Variants in PHF3 observed in about 807,000 individuals in gnomAD.
The protein encoded by PHF3 is PHD finger protein 3.
PHF3 carries 41 observed loss-of-function variants against 178.4 expected under a neutral mutation model. The ratio of observed to expected loss-of-function variants is 0.23; its 90% CI spans 0.18 to 0.30. The LOEUF (loss-of-function observed/expected upper bound fraction) is 0.30. Ranked by LOEUF, PHF3 falls within the 10% of genes least tolerant of loss-of-function variation. The pLI, the probability that PHF3 is intolerant of heterozygous loss-of-function variation, is 1.00. For missense variants in PHF3, 2,346 were observed against 2,398.1 expected (o/e 0.98, Z 0.45); for synonymous variants, 842 against 800.5 (o/e 1.05, Z -0.88).
intron 4 of PHF3, among the ~76,000 whole-genome samples, chr6:63,690,440 G>T (rs945285156): frequency 3.3e-5 from 5 of 152,096 alleles, no homozygotes; most frequent in Admixed American, 2.0e-4. Context: ...GAGGTATTTG[G>T]CAAGACTTTA....
At chr6:63,641,528 ATGTGTGTGTGTGTGTGTG>A (rs201250434) in intron 1 of PHF3, among the ~76,000 whole-genome samples, 8 of 140,570 alleles carry the variant, frequency 5.7e-5, no homozygotes, top group South Asian at 2.3e-4. Flanking sequence ...TTAGGTGTGT[ATGTGTGTGTGTGTGTGTG>A]TGTGTGTGTG....
intron 1 of PHF3, among the ~76,000 whole-genome samples, chr6:63,645,736 A>G (rs1764756246): frequency 6.6e-6 from 1 of 152,214 alleles, no homozygotes; most frequent in African/African-American, 2.4e-5. Flanking sequence ...GAGCTTTGAA[A>G]TGACTTTGCT....
At chr6:63,656,279 T>C (rs1472665230) in intron 2 of PHF3, among the ~76,000 whole-genome samples, 1 of 152,242 alleles carries the variant, frequency 6.6e-6, no homozygotes, top group Non-Finnish European at 1.5e-5. Flanking sequence ...ATTGACTATT[T>C]AATTTTTTGT....
intron 2 of PHF3, among the ~76,000 whole-genome samples, chr6:63,662,885 A>C (rs1031227306): frequency 6.6e-6 from 1 of 152,226 alleles, no homozygotes; most frequent in Non-Finnish European, 1.5e-5. Flanking sequence ...CTAATTTTCT[A>C]TAAACAGAGT....
intron 2 of PHF3, among the ~76,000 whole-genome samples, chr6:63,670,283 T>C (rs1246786809): frequency 1.3e-5 from 2 of 152,204 alleles, no homozygotes; most frequent in Non-Finnish European, 2.9e-5. Flanking sequence ...TTTTTGCTTT[T>C]TTGAGATGGA....
chr6:63,703,830 T>G (rs1767581636), intron 11 of PHF3, among the ~76,000 whole-genome samples, 159 bp downstream of exon 11: 1 of 152,210 alleles, frequency 6.6e-6, no homozygotes, highest in Non-Finnish European at 1.5e-5. Flanking sequence ...TTTTCTGGGT[T>G]GAGGTATAGT....
At chr6:63,640,414 A>G (rs1277581220) in intron 1 of PHF3, among the ~76,000 whole-genome samples, 1 of 152,218 alleles carries the variant, frequency 6.6e-6, no homozygotes, top group Non-Finnish European at 1.5e-5. Context: ...TAACTTTGCT[A>G]AACTTTAGCC....
intron 3 of PHF3, among the ~76,000 whole-genome samples, chr6:63,680,550 A>C (rs747012065): frequency 4.0e-5 from 6 of 148,380 alleles, no homozygotes; most frequent in Non-Finnish European, 8.8e-5. Flanking sequence ...TCCCCATCAT[A>C]TAATTTTGTT....
At chr6:63,703,463 A>T in intron 10 of PHF3, 73 bp from the exon 11 acceptor site, 5 of 1,446,874 alleles carry the variant, frequency 3.5e-6, no homozygotes, top group Non-Finnish European at 4.7e-6. Context: ...ATAAATGGAA[A>T]ATATAAATTG....
In PHF3 at chr6:63,721,214, A is replaced by G. The variant is rs1431466324; in HGVS notation, c.*7506A>G. On this transcript the variant is annotated 3_prime_UTR_variant, in exon 16 of 16. Transcript: ENST00000262043. ...AATACCTTCCCACCCAACCCAAAGT[A>G]CACAGGCAACTGTAAGAAAATGATT... 3.2e-6 allele frequency: 5 copies of G among 1,551,788 alleles called. No homozygotes were observed. In the African/African-American group the frequency reaches 5.5e-5, roughly 17 times the overall value.
chr6:63,709,767 G>A (rs2149609926), intron 14 of PHF3, among the ~76,000 whole-genome samples: 1 of 152,282 alleles, frequency 6.6e-6, no homozygotes, highest in East Asian at 1.9e-4. Context: ...AGCTGCTAGG[G>A]AGGCTGGGAA....
intron 4 of PHF3, among the ~76,000 whole-genome samples, chr6:63,687,909 A>G (rs1766785067): frequency 6.6e-6 from 1 of 152,152 alleles, no homozygotes; most frequent in Admixed American, 6.5e-5. Context: ...ACACTCTGTA[A>G]TTGATGTGAA....
chr6:63,685,920 G>C lies in PHF3; in HGVS notation c.2189+9G>C. On this transcript the variant is annotated intron_variant, in intron 4 of 15. Transcript: ENST00000262043. ...AAACCACATGGCAACAGGTGTGTGT[G>C]TATGTGTGTATGAGTGATGTGTACA... The C allele has an allele frequency of 6.3e-7, 1 of 1,579,758 alleles. No individual in the cohort carries two copies. The highest frequency in any genetic ancestry group is 8.7e-7 in the Non-Finnish European group (1 of 1,155,090).
intron 2 of PHF3, among the ~76,000 whole-genome samples, chr6:63,674,939 A>G (rs1486955438): frequency 6.6e-6 from 1 of 152,216 alleles, no homozygotes; most frequent in Non-Finnish European, 1.5e-5. Context: ...TGATTTAAAC[A>G]AATCTCTATT....
chr6:63,698,219 T>G lies in PHF3; in HGVS notation c.2681-4T>G. 6.2e-7 allele frequency: 1 copy of G among 1,600,852 alleles called. No homozygotes were observed. Among genetic ancestry groups the G allele is most frequent in the Non-Finnish European group, 8.5e-7 (1 of 1,171,852 alleles). The stretch of plus-strand genomic sequence containing the variant: ...TAATGAGTTTCGATATTTATTCAAA[T>G]TAGGTACTCATGAGAAGCAAGAGAT... On this transcript the variant is annotated splice_polypyrimidine_tract_variant and splice_region_variant and intron_variant, in intron 6 of 15. Coordinates refer to ENST00000262043, the MANE Select transcript of PHF3 (RefSeq NM_001370348.2).
intron 2 of PHF3, among the ~76,000 whole-genome samples, chr6:63,677,818 CA>C (rs137997144): frequency 0.078 from 11,942 of 152,220 alleles, 534 homozygotes; most frequent in East Asian, 0.16. Flanking sequence ...GTTTCTTATG[CA>C]TCTTTGTAAT....
At chr6:63,691,322 G>A (rs1561970309) in intron 4 of PHF3, among the ~76,000 whole-genome samples, 1 of 152,130 alleles carries the variant, frequency 6.6e-6, no homozygotes, top group African/African-American at 2.4e-5. Flanking sequence ...CGTCTGTGGT[G>A]AGGTAGGTAG....
intron 2 of PHF3, among the ~76,000 whole-genome samples, chr6:63,661,704 T>A (rs1765471790): frequency 1.3e-5 from 2 of 152,210 alleles, no homozygotes; most frequent in Non-Finnish European, 2.9e-5. Context: ...CTAGATTTTT[T>A]AATATATTGA....
chr6:63,713,264 G>T lies in PHF3; in HGVS notation c.5676G>T (p.Arg1892Ser). The change falls in exon 16 of 16, where the codon AGG becomes AGT. Residue 1892 changes from arginine to serine, a missense_variant. Transcript: ENST00000262043. ...QNFYQVKDIRRPERRHSDPWG... is the reference protein window; with the variant it reads ...QNFYQVKDIRSPERRHSDPWG... ...TTTACCAGGTTAAAGACATTCGGAGGCCAGAAAGGCGCCATAGTGACCCTT... is the reference window on the plus strand; with the variant it reads ...TTTACCAGGTTAAAGACATTCGGAGTCCAGAAAGGCGCCATAGTGACCCTT... 6.2e-7 allele frequency: 1 copy of T among 1,614,022 alleles called. No homozygotes were observed.
Sources: allele counts gnomAD v4.1 joint callset (sites outside exome capture counted in the v4.1 genomes callset), GRCh38; gene constraint gnomAD v4.1.1; transcripts MANE v1.5; gene names NCBI Gene and HGNC (gene_info 2026-07-23, HGNC 2026-07-21).